The following MAP3K7 variants were observed in gnomAD, a reference collection of about 807,000 sequenced individuals.
The protein encoded by MAP3K7 is mitogen-activated protein kinase kinase kinase 7, also known as TGF-beta activated kinase 1.
Under a neutral mutation model 84.8 loss-of-function variants are expected in MAP3K7, and 21 were observed. That is an observed-to-expected ratio of 0.25 (90% CI 0.18 to 0.36). The LOEUF (loss-of-function observed/expected upper bound fraction) is 0.36. MAP3K7 is among the 10% of genes least tolerant of loss of function. The probability of loss-of-function intolerance (pLI) is 1.00; values close to 1 mark genes in which losing one functional copy is unlikely to be tolerated. For missense variants in MAP3K7, 503 were observed against 747.7 expected (o/e 0.67, Z 3.82); for synonymous variants, 241 against 247.7 (o/e 0.97, Z 0.25).
chr6:90,559,016 GA>G (rs1188626191), intron 5 of MAP3K7, among the ~76,000 whole-genome samples: 3 of 152,080 alleles, frequency 2.0e-5, no homozygotes, highest in Non-Finnish European at 4.4e-5. Context: ...TAATATAGTG[GA>G]AAAAGGATGA....
At chr6:90,573,402 CA>C (rs1224693974) in intron 1 of MAP3K7, among the ~76,000 whole-genome samples, 3 of 151,350 alleles carry the variant, frequency 2.0e-5, no homozygotes, top group Admixed American at 6.6e-5. Context: ...CTTTGGAGAT[CA>C]AAAAAAGGGC....
intron 9 of MAP3K7, among the ~76,000 whole-genome samples, 157 bp downstream of exon 9, chr6:90,550,311 G>A (rs780647464): frequency 4.6e-5 from 7 of 152,038 alleles, no homozygotes; most frequent in African/African-American, 1.4e-4. Flanking sequence ...CCTACATGAA[G>A]AATGACGCAC....
chr6:90,566,162 G>C (rs1404238786), intron 3 of MAP3K7, among the ~76,000 whole-genome samples: 1 of 152,190 alleles, frequency 6.6e-6, no homozygotes, highest in African/African-American at 2.4e-5. Context: ...ACAAGACAAG[G>C]ATGCCCTCAC....
rs1467884765 is a variant in MAP3K7 at position 90,515,669 on chromosome 6, G to T, written c.*832C>A. On this transcript the variant is annotated 3_prime_UTR_variant, in exon 17 of 17. Transcript: ENST00000369329. ...AGAAAACAATCCAAGAATCACTGCA[G>T]GAAGAAATGATCATTTAAGCTCAAT... 1 of 150,224 alleles carries T rather than the reference G, an allele frequency of 6.7e-6. No homozygotes were observed. Among genetic ancestry groups the T allele is most frequent in the African/African-American group, 2.5e-5 (1 of 40,788 alleles). The allele number at this position is 150,224 out of a possible 1,614,324, so 9.3% of individuals were successfully genotyped here.
At position 90,587,066 on chromosome 6, in the gene MAP3K7, T is replaced by G; in HGVS notation, c.-183A>C. 1.6e-6 allele frequency: 1 copy of G among 641,898 alleles called. No individual in the cohort carries two copies. The allele number at this position is 641,898 out of a possible 1,614,324, so 39.8% of individuals were successfully genotyped here. ...TGTCCGGCTCTGGCTCCGCTGCGTT[T>G]TCCGCCGACGGGCCCCGCCCACTAC... On this transcript the variant is annotated 5_prime_UTR_variant, in exon 1 of 17. Coordinates refer to ENST00000369329, the MANE Select transcript of MAP3K7 (RefSeq NM_145331.3).
At chr6:90,558,149 T>A (rs1236951855) in intron 5 of MAP3K7, among the ~76,000 whole-genome samples, 2 of 151,740 alleles carry the variant, frequency 1.3e-5, no homozygotes, top group East Asian at 3.9e-4. Context: ...AGTGAAACCC[T>A]GTCTCTACTA....
At chr6:90,543,070 T>C (rs1022713015) in intron 12 of MAP3K7, among the ~76,000 whole-genome samples, 20 of 139,746 alleles carry the variant, frequency 1.4e-4, no homozygotes, top group African/African-American at 5.1e-4. Flanking sequence ...CTCAAACATT[T>C]AAGGGAAGCA....
chr6:90,566,353 C>G (rs1005637513), intron 3 of MAP3K7, among the ~76,000 whole-genome samples: 4 of 152,192 alleles, frequency 2.6e-5, no homozygotes, highest in African/African-American at 9.6e-5. Flanking sequence ...TGATAAGCAA[C>G]TTCAGCAAAG....
chr6:90,513,980 A>T lies in MAP3K7; in HGVS notation c.*2521T>A, dbSNP rs1341869328. The stretch of plus-strand genomic sequence containing the variant: ...CTTAACTGATTATTATTCAACTCAA[A>T]AAAGTGATTTTTATTGCTCACGAAT... On this transcript the variant is annotated 3_prime_UTR_variant, in exon 17 of 17. Transcript: ENST00000369329. The T allele has an allele frequency of 1.3e-5, 2 of 152,112 alleles. No individual in the cohort carries two copies. The highest frequency in any genetic ancestry group is 2.9e-5 in the Non-Finnish European group (2 of 67,994). The allele number at this position is 152,112 out of a possible 1,614,324, so 9.4% of individuals were successfully genotyped here. A position where few individuals can be genotyped will look rare whatever the true frequency, so the allele number is the denominator to read the frequency against.
At chr6:90,542,444 A>C in intron 12 of MAP3K7, 2 of 985,142 alleles carry the variant, frequency 2.0e-6, no homozygotes, top group Non-Finnish European at 2.4e-6. Context: ...CTGGCAATTA[A>C]GAGAATTAAG....
intron 9 of MAP3K7, 103 bp from the exon 10 acceptor site, chr6:90,548,280 A>AC (rs1274466454): frequency 1.0e-6 from 1 of 973,336 alleles, no homozygotes; most frequent in Non-Finnish European, 1.5e-6. Flanking sequence ...CCAGGCAGGA[A>AC]CAGAAATAAA....
At chr6:90,558,675 G>C (rs1306665394) in intron 5 of MAP3K7, among the ~76,000 whole-genome samples, 3 of 152,178 alleles carry the variant, frequency 2.0e-5, no homozygotes, top group African/African-American at 7.2e-5. Flanking sequence ...TAAAATTCAT[G>C]GGGTGTAGTT....
intron 6 of MAP3K7, among the ~76,000 whole-genome samples, chr6:90,555,613 C>T (rs987275474): frequency 6.6e-6 from 1 of 152,096 alleles, no homozygotes; most frequent in Non-Finnish European, 1.5e-5. Flanking sequence ...TTTTTAATTG[C>T]TAGGAAACCA....
intron 3 of MAP3K7, among the ~76,000 whole-genome samples, chr6:90,562,675 G>A (rs1464258130): frequency 6.6e-6 from 1 of 152,232 alleles, no homozygotes; most frequent in East Asian, 1.9e-4. Flanking sequence ...AAAGGCAGCA[G>A]AAACTTCTGC....
At chr6:90,564,050 C>A (rs879472388) in intron 3 of MAP3K7, among the ~76,000 whole-genome samples, 3 of 152,152 alleles carry the variant, frequency 2.0e-5, no homozygotes, top group Non-Finnish European at 4.4e-5. Context: ...GCCTGCTGAA[C>A]AAGAGCTCCT....
chr6:90,571,590 A>G (rs1776901805), intron 2 of MAP3K7, 107 bp downstream of exon 2: 2 of 557,948 alleles, frequency 3.6e-6, no homozygotes, highest in Non-Finnish European at 6.0e-6. Flanking sequence ...GCTGATGTTC[A>G]TGTATACAAA....
At chr6:90,537,774 AG>A (rs1399846271) in intron 12 of MAP3K7, among the ~76,000 whole-genome samples, 11 of 152,110 alleles carry the variant, frequency 7.2e-5, no homozygotes, top group Admixed American at 2.0e-4. Flanking sequence ...CTGTTTCCCA[AG>A]GACAAAAAGG....
At chr6:90,550,799 T>C in intron 8 of MAP3K7, 3 of 320,988 alleles carry the variant, frequency 9.3e-6, no homozygotes, top group Non-Finnish European at 1.7e-5. Flanking sequence ...GAGAAACATA[T>C]GAAATAAAAT....
intron 12 of MAP3K7, among the ~76,000 whole-genome samples, chr6:90,543,384 G>C (rs1775912194): frequency 6.6e-6 from 1 of 151,982 alleles, no homozygotes; most frequent in Non-Finnish European, 1.5e-5. Context: ...TCATATTTTT[G>C]TATGCTAGTT....
Sources: allele counts gnomAD v4.1 joint callset (sites outside exome capture counted in the v4.1 genomes callset), GRCh38; gene constraint gnomAD v4.1.1; transcripts MANE v1.5; gene names NCBI Gene and HGNC (gene_info 2026-07-23, HGNC 2026-07-21).